FAM135A: variants seen among roughly 807,000 people sequenced by gnomAD.
The protein encoded by FAM135A is family with sequence similarity 135 member A.
Under a neutral mutation model 146.8 loss-of-function variants are expected in FAM135A, and 79 were observed. That is an observed-to-expected ratio of 0.54 (90% CI 0.45 to 0.65). FAM135A has a LOEUF of 0.65. Ranked by LOEUF, FAM135A falls within the 30% of genes least tolerant of loss-of-function variation. The pLI, the probability that FAM135A is intolerant of heterozygous loss-of-function variation, is 0.00. For synonymous variants in FAM135A, 562 were observed against 603.6 expected (o/e 0.93, Z 1.01); for missense variants, 1,623 against 1,758.2 (o/e 0.92, Z 1.38).
At chr6:70,548,264 CCTT>C (rs1799203564) in intron 20 of FAM135A, among the ~76,000 whole-genome samples, 2 of 152,090 alleles carry the variant, frequency 1.3e-5, no homozygotes, top group Non-Finnish European at 2.9e-5. Flanking sequence ...AAAAAGCAAA[CCTT>C]CTGTGCAAAA....
At chr6:70,486,398 G>A (rs1165564627) in intron 10 of FAM135A, among the ~76,000 whole-genome samples, 1 of 152,100 alleles carries the variant, frequency 6.6e-6, no homozygotes, top group Non-Finnish European at 1.5e-5. Flanking sequence ...AATTTGGTTT[G>A]TAGATAAATT....
At position 70,425,869 on chromosome 6, in the gene FAM135A, C is replaced by G. The variant is rs574165995; in HGVS notation, c.-133-570C>G. Among the ~76,000 whole-genome samples the G allele has an allele frequency of 3.3e-5, 5 of 151,346 alleles. No homozygotes were observed. The East Asian group carries it at 9.7e-4, about 29-fold the overall frequency. On this transcript the variant is annotated intron_variant, in intron 2 of 21. Coordinates refer to ENST00000418814, the MANE Select transcript of FAM135A (RefSeq NM_001162529.3). ...CTGTAATCCCAGCACTTTGGGAGGC[C>G]GAGGCGGGTGGATCATGAGGTCAGG...
At chr6:70,447,124 C>T (rs978121691) in intron 4 of FAM135A, among the ~76,000 whole-genome samples, 5 of 152,154 alleles carry the variant, frequency 3.3e-5, no homozygotes, top group African/African-American at 9.7e-5. Context: ...TGTAGAGAAA[C>T]GATTGAAATG....
At chr6:70,479,619 A>AG (rs1391907417) in intron 8 of FAM135A, among the ~76,000 whole-genome samples, 7 of 152,166 alleles carry the variant, frequency 4.6e-5, no homozygotes, top group Non-Finnish European at 1.0e-4. Context: ...GTGTTGATAA[A>AG]GGGGTCATGT....
chr6:70,493,216 A>G (rs1562515977), intron 11 of FAM135A, among the ~76,000 whole-genome samples: 1 of 152,060 alleles, frequency 6.6e-6, no homozygotes, highest in Non-Finnish European at 1.5e-5. Context: ...AATATGAATA[A>G]TATGATTTCA....
Position 70,525,790 on chromosome 6 carries a change from C to G in FAM135A, c.2706C>G (p.Asn902Lys), listed in dbSNP as rs1794574859. ...LQQQSVVFSG[N>K]LDNETVAIHS... ...AGCAGAGTGTTGTATTTTCAGGGAA[C>G]TTGGACAATGAAACTGTAGCAATAC... is the stretch of plus-strand genomic sequence containing the variant. The change falls in exon 15 of 22, where the codon AAC becomes AAG. Residue 902 changes from asparagine (N) to lysine (K), a missense_variant. Physicochemically the swap from Asn to Lys is moderately conservative, Grantham distance 94. Around this residue, in one of 7 missense-constraint regions of FAM135A, gnomAD observed 1,061 missense variants for 1,113.8 expected, o/e 0.95. Coordinates refer to ENST00000418814, the MANE Select transcript of FAM135A (RefSeq NM_001162529.3). 6.2e-7 allele frequency: 1 copy of G among 1,613,282 alleles called. No homozygotes were observed. The highest frequency in any genetic ancestry group is 8.5e-7 in the Non-Finnish European group (1 of 1,179,604).
chr6:70,536,846 T>G (rs1426146052), intron 19 of FAM135A, among the ~76,000 whole-genome samples: 1 of 152,092 alleles, frequency 6.6e-6, no homozygotes, highest in African/African-American at 2.4e-5. Context: ...CGAAGGTGAT[T>G]CAGAATTTCT....
chr6:70,501,112 C>T lies in FAM135A; in HGVS notation c.874-1524C>T, dbSNP rs550539921. ...GCTGCACCCACAGCTGCCCCTTCCCCGAGGGGCTCTGTCCCAGGGAGATGG... is the reference window on the plus strand; with the variant it reads ...GCTGCACCCACAGCTGCCCCTTCCCTGAGGGGCTCTGTCCCAGGGAGATGG... On this transcript the variant is annotated intron_variant, in intron 11 of 21. Coordinates refer to ENST00000418814, the MANE Select transcript of FAM135A (RefSeq NM_001162529.3). Among the ~76,000 whole-genome samples, 59 of 152,308 alleles carry T rather than the reference C, an allele frequency of 3.9e-4. 1 individual carries two copies. Among genetic ancestry groups the T allele is most frequent in the South Asian group, 8.3e-4 (4 of 4,824 alleles).
In FAM135A at chr6:70,455,460, TATTC is replaced by T. The variant is rs1190387508; in HGVS notation, c.157+2896_157+2899del. 2.6e-5 allele frequency among the ~76,000 whole-genome samples: 4 copies of T among 152,278 alleles called. No individual in the cohort carries two copies. The East Asian group carries it at 5.8e-4, about 22-fold the overall frequency. On this transcript the variant is annotated intron_variant, in intron 5 of 21. Transcript: ENST00000418814. ...TGTGTATATGTATATATATTTTGTA[TATTC>T]ATTCATCTTAAAATGAAAAAGAATT... is the stretch of plus-strand genomic sequence containing the variant.
In FAM135A at chr6:70,533,118, T is replaced by C. The variant is rs561395696; in HGVS notation, c.3776-42T>C. On this transcript the variant is annotated intron_variant, in intron 16 of 21. Coordinates refer to ENST00000418814, the MANE Select transcript of FAM135A (RefSeq NM_001162529.3). ...TATGTGATGGTGTACTTTCTACCTTTTACTTTATCTCATCCTTTAAACATC... is the reference window on the plus strand; with the variant it reads ...TATGTGATGGTGTACTTTCTACCTTCTACTTTATCTCATCCTTTAAACATC... 1.9e-5 allele frequency: 29 copies of C among 1,497,578 alleles called. No individual in the cohort carries two copies. In the East Asian group the frequency reaches 2.9e-4, roughly 15 times the overall value. The allele number at this position is 1,497,578 out of a possible 1,614,324, so 92.8% of individuals were successfully genotyped here.
At chr6:70,477,056 A>T in intron 7 of FAM135A, 103 bp from the exon 8 acceptor site, 2 of 1,242,410 alleles carry the variant, frequency 1.6e-6, no homozygotes, top group Non-Finnish European at 2.2e-6. Flanking sequence ...CGAAATTTTT[A>T]AAAAGTAATT....
At chr6:70,551,321 G>C (rs1037374535) in intron 20 of FAM135A, among the ~76,000 whole-genome samples, 2 of 152,098 alleles carry the variant, frequency 1.3e-5, no homozygotes, top group African/African-American at 4.8e-5. Context: ...TTTAAAGTAA[G>C]AAACAGAGCC....
chr6:70,457,482 A>G (rs1265062208), intron 5 of FAM135A, among the ~76,000 whole-genome samples: 1 of 152,204 alleles, frequency 6.6e-6, no homozygotes, highest in African/African-American at 2.4e-5. Flanking sequence ...TCCATCTGAC[A>G]TTTTATTTTC....
chr6:70,530,439 A>T (rs975691072), intron 16 of FAM135A, among the ~76,000 whole-genome samples: 53 of 152,344 alleles, frequency 3.5e-4, no homozygotes, highest in African/African-American at 1.2e-3. Context: ...GCATTAAATC[A>T]TAAAATTCTA....
chr6:70,425,955 T>G, intron 2 of FAM135A, among the ~76,000 whole-genome samples: 1 of 149,672 alleles, frequency 6.7e-6, no homozygotes, highest in African/African-American at 2.5e-5. Context: ...TACAAAAAAT[T>G]AGCCGGGCGC....
chr6:70,482,562 T>C (rs1253326417), intron 10 of FAM135A, among the ~76,000 whole-genome samples: 1 of 152,188 alleles, frequency 6.6e-6, no homozygotes, highest in Non-Finnish European at 1.5e-5. Flanking sequence ...CATTTGATTT[T>C]ATAATAGTTA....
intron 20 of FAM135A, among the ~76,000 whole-genome samples, chr6:70,549,189 T>G (rs1349333398): frequency 6.6e-6 from 1 of 152,120 alleles, no homozygotes; most frequent in Non-Finnish European, 1.5e-5. Context: ...GGCTATTCAT[T>G]ACAGTGTTAT....
At chr6:70,434,460 G>C (rs927724151) in intron 4 of FAM135A, among the ~76,000 whole-genome samples, 2 of 152,208 alleles carry the variant, frequency 1.3e-5, no homozygotes, top group Non-Finnish European at 2.9e-5. Context: ...ACTGTTGCCA[G>C]AATGGAAATG....
intron 2 of FAM135A, 113 bp from the exon 3 acceptor site, chr6:70,426,326 A>G (rs1317788216): frequency 6.6e-6 from 1 of 152,188 alleles, no homozygotes; most frequent in Non-Finnish European, 1.5e-5. Flanking sequence ...CGAAGGACAT[A>G]TATCTTTTAT....
Sources: gnomAD v4.1 joint callset for allele counts (sites outside exome capture counted in the v4.1 genomes callset) on GRCh38, gnomAD v4.1.1 for gene constraint, gnomAD v4.1.1 regional missense constraint, MANE v1.5 for transcripts, NCBI Gene and HGNC (gene_info 2026-07-23, HGNC 2026-07-21) for gene names.